HDGFL3: variants seen among roughly 807,000 people sequenced by gnomAD.
The protein encoded by HDGFL3 is hepatoma-derived growth factor-related protein 3.
Under a neutral mutation model 27.6 loss-of-function variants are expected in HDGFL3, and 6 were observed. That is an observed-to-expected ratio of 0.22 (90% CI 0.12 to 0.43). The LOEUF is 0.43. Ranked by LOEUF, HDGFL3 falls within the 20% of genes least tolerant of loss-of-function variation. The pLI, the probability that HDGFL3 is intolerant of heterozygous loss-of-function variation, is 1.00. For synonymous variants in HDGFL3, 88 were observed against 88.9 expected (o/e 0.99, Z 0.05); for missense variants, 207 against 250.1 (o/e 0.83, Z 1.16).
intron 1 of HDGFL3, among the ~76,000 whole-genome samples, chr15:83,187,439 T>C (rs1414636973): frequency 6.6e-6 from 1 of 152,194 alleles, no homozygotes; most frequent in African/African-American, 2.4e-5. Context: ...TAAAATTCTC[T>C]GCACCATGAA....
At chr15:83,191,346 A>G (rs1434351114) in intron 1 of HDGFL3, among the ~76,000 whole-genome samples, 1 of 152,204 alleles carries the variant, frequency 6.6e-6, no homozygotes, top group Non-Finnish European at 1.5e-5. Flanking sequence ...GATACCTAAG[A>G]ATATACCTAA....
intron 1 of HDGFL3, among the ~76,000 whole-genome samples, chr15:83,195,547 T>C (rs2037559391): frequency 6.6e-6 from 1 of 152,102 alleles, no homozygotes; most frequent in Admixed American, 6.5e-5. Context: ...GTCTTATTAA[T>C]TTTTATAATG....
rs137983185 is a variant in HDGFL3, at chr15:83,189,994, C to T, written c.84+17337G>A. Among the ~76,000 whole-genome samples, 528 of 152,060 alleles carry T rather than the reference C, an allele frequency of 3.5e-3. 9 individuals carry two copies. Among genetic ancestry groups the T allele is most frequent in the African/African-American group, 0.011 (466 of 41,484 alleles). ...GCCAATGTGGGATCATTGCTTGAGC[C>T]CAGGAGCTCAAGACCAGCCTGGGCA... On this transcript the variant is annotated intron_variant, in intron 1 of 5. Coordinates refer to ENST00000299633, the MANE Select transcript of HDGFL3 (RefSeq NM_016073.4).
At chr15:83,173,629 T>C (rs1478529072) in intron 1 of HDGFL3, among the ~76,000 whole-genome samples, 1 of 152,206 alleles carries the variant, frequency 6.6e-6, no homozygotes, top group African/African-American at 2.4e-5. Context: ...TCATCTACTC[T>C]GAAATTATGT....
rs990774935 is a variant in HDGFL3 at position 83,114,770 on chromosome 15, C to G, written c.*939G>C. The stretch of plus-strand genomic sequence containing the variant: ...AGTCTAAGGCACCAATCTGTTACAA[C>G]TTGAAAATGCAGCTTTGACAAACTA... On this transcript the variant is annotated 3_prime_UTR_variant, in exon 4 of 4. Coordinates refer to the HDGFL3 transcript ENST00000568294. The G allele has an allele frequency of 2.6e-5, 4 of 152,240 alleles. No individual in the cohort carries two copies. The South Asian group carries it at 6.2e-4, about 24-fold the overall frequency. The allele number at this position is 152,240 out of a possible 1,614,324, so 9.4% of individuals were successfully genotyped here.
chr15:83,187,126 G>A (rs984045078), intron 1 of HDGFL3, among the ~76,000 whole-genome samples: 1 of 148,686 alleles, frequency 6.7e-6, no homozygotes, highest in Non-Finnish European at 1.5e-5. Context: ...TAAATGGGCT[G>A]TATGTCACAG....
intron 1 of HDGFL3, among the ~76,000 whole-genome samples, chr15:83,165,525 C>G (rs1254091774): frequency 6.6e-6 from 1 of 152,170 alleles, no homozygotes; most frequent in African/African-American, 2.4e-5. Context: ...CACTACCCAC[C>G]TCTTATCAAC....
intron 1 of HDGFL3, among the ~76,000 whole-genome samples, chr15:83,200,902 T>C (rs2037637306): frequency 1.3e-5 from 2 of 148,568 alleles, no homozygotes; most frequent in African/African-American, 5.0e-5. Flanking sequence ...TCTGTGACCA[T>C]ACAGATGGTT....
At chr15:83,190,681 T>C (rs1305078512) in intron 1 of HDGFL3, among the ~76,000 whole-genome samples, 1 of 152,236 alleles carries the variant, frequency 6.6e-6, no homozygotes, top group African/African-American at 2.4e-5. Flanking sequence ...TTATTGGTTC[T>C]ATGTATGGTA....
At chr15:83,197,060 C>G (rs1001367366) in intron 1 of HDGFL3, among the ~76,000 whole-genome samples, 2 of 152,162 alleles carry the variant, frequency 1.3e-5, no homozygotes, top group Non-Finnish European at 2.9e-5. Flanking sequence ...GTTACCTGAT[C>G]CTTTGTAGTT....
downstream of HDGFL3, chr15:83,124,834 GA>G (rs934180875): frequency 5.8e-6 from 8 of 1,369,232 alleles, no homozygotes; most frequent in South Asian, 7.3e-5. Flanking sequence ...TTTCCAAATG[GA>G]AAAAAACTTA....
chr15:83,119,606 G>C, intron 3 of HDGFL3: 1 of 1,614,106 alleles, frequency 6.2e-7, no homozygotes, highest in South Asian at 1.1e-5. Context: ...ACCGCATATG[G>C]GCACATGATC....
At chr15:83,146,511 T>A (rs1193522632) in intron 5 of HDGFL3, among the ~76,000 whole-genome samples, 3 of 152,194 alleles carry the variant, frequency 2.0e-5, no homozygotes, top group South Asian at 4.1e-4. Context: ...CTCTGTTGAC[T>A]CTCTCCCTTT....
intron 1 of HDGFL3, among the ~76,000 whole-genome samples, chr15:83,195,199 C>T (rs994181826): frequency 1.1e-4 from 17 of 152,172 alleles, no homozygotes; most frequent in Non-Finnish European, 1.9e-4. Context: ...AGTCTAATTG[C>T]AAAGATAGAA....
chr15:83,157,059 T>C (rs552914109), intron 4 of HDGFL3, among the ~76,000 whole-genome samples: 162 of 152,348 alleles, frequency 1.1e-3, no homozygotes, highest in Admixed American at 1.8e-3. Context: ...ATATAGTACA[T>C]AGACATAGTC....
At position 83,145,897 on chromosome 15, in the gene HDGFL3, C is replaced by CTTTTTTTTTTTTTT. The variant is rs3082058; in HGVS notation, c.606+5304_606+5317dup. Reference sequence around the variant, plus strand: ...TTCTCTCTCTCTCCCTTTCTTCTTCCTTTTTTTTTTTTTTTTTTTTTTTTT... The same window carrying CTTTTTTTTTTTTTT: ...TTCTCTCTCTCTCCCTTTCTTCTTCCTTTTTTTTTTTTTTTTTTTTTTTTTTTTTTTTTTTTTTT... On this transcript the variant is annotated intron_variant, in intron 5 of 5. Transcript: ENST00000299633. 8.1e-5 allele frequency among the ~76,000 whole-genome samples: 4 copies of CTTTTTTTTTTTTTT among 49,436 alleles called. 1 individual carries two copies. The highest frequency in any genetic ancestry group is 1.0e-4 in the Non-Finnish European group (3 of 29,348). 32.4% of individuals were successfully genotyped at this position (49,436 alleles called of 152,430 possible).
In HDGFL3 at chr15:83,137,171, G is replaced by A. The variant is rs2036662494; in HGVS notation, c.*2099C>T. 6.6e-6 allele frequency: 1 copy of A among 152,112 alleles called. No individual in the cohort carries two copies. The highest frequency in any genetic ancestry group is 6.6e-5 in the Admixed American group (1 of 15,264). The allele number at this position is 152,112 out of a possible 1,614,324, so 9.4% of individuals were successfully genotyped here. A position where few individuals can be genotyped will look rare whatever the true frequency, so the allele number is the denominator to read the frequency against. On this transcript the variant is annotated 3_prime_UTR_variant, in exon 6 of 6. Transcript: ENST00000299633. ...GTTGTTTGAAAAATGTTTTCCCAAG[G>A]AAAGTTTATTATTTGCTGCTGTTTC...
chr15:83,168,342 C>A (rs907601870), intron 1 of HDGFL3, among the ~76,000 whole-genome samples: 2 of 152,070 alleles, frequency 1.3e-5, no homozygotes, highest in Non-Finnish European at 2.9e-5. Flanking sequence ...CCCAAAAATC[C>A]ATGCAAGGAT....
At chr15:83,183,016 C>T (rs978982958) in intron 1 of HDGFL3, among the ~76,000 whole-genome samples, 6 of 152,066 alleles carry the variant, frequency 3.9e-5, no homozygotes, top group South Asian at 4.1e-4. Context: ...CAAAATAATA[C>T]GTTGATATAA....
Sources: gnomAD v4.1 joint callset for allele counts (sites outside exome capture counted in the v4.1 genomes callset) on GRCh38, gnomAD v4.1.1 for gene constraint, MANE v1.5 for transcripts, NCBI Gene and HGNC (gene_info 2026-07-23, HGNC 2026-07-21) for gene names.